IMPA2: variants seen among roughly 807,000 people sequenced by gnomAD.
The protein encoded by IMPA2 is inositol monophosphatase 2, also known as IMP 2.
Under a neutral mutation model 35.1 loss-of-function variants are expected in IMPA2, and 32 were observed. The ratio of observed to expected loss-of-function variants is 0.91; its 90% CI spans 0.69 to 1.23. The LOEUF (loss-of-function observed/expected upper bound fraction) is 1.23. Among genes scored for constraint, IMPA2 ranks in the 50% most tolerant of loss-of-function variants. The probability of loss-of-function intolerance (pLI) is 0.00; values close to 1 mark genes in which losing one functional copy is unlikely to be tolerated. For synonymous variants in IMPA2, 135 were observed against 160.6 expected, an observed-to-expected ratio of 0.84 and a Z score of 1.20; for missense variants, 334 against 387.6, an observed-to-expected ratio of 0.86 and a Z score of 1.16.
At chr18:11,997,631 C>T (rs370036262) in intron 1 of IMPA2, among the ~76,000 whole-genome samples, 1 of 152,156 alleles carries the variant, frequency 6.6e-6, no homozygotes, top group Non-Finnish European at 1.5e-5. Context: ...CCTGCCTGTT[C>T]TGTAGAATTC....
At chr18:11,987,824 A>G (rs1236367912) in intron 1 of IMPA2, among the ~76,000 whole-genome samples, 1 of 152,164 alleles carries the variant, frequency 6.6e-6, no homozygotes, top group Non-Finnish European at 1.5e-5. Flanking sequence ...GGATGTACCA[A>G]GTTACACTCC....
rs370703413 is a variant in IMPA2 at position 12,002,918 on chromosome 18, C to A, written c.230+3731C>A. Among the ~76,000 whole-genome samples the A allele has an allele frequency of 8.5e-4, 129 of 151,494 alleles. 1 individual carries two copies. Among genetic ancestry groups the A allele is most frequent in the Non-Finnish European group, 1.5e-3 (100 of 67,900 alleles). On this transcript the variant is annotated intron_variant, in intron 2 of 7. Transcript: ENST00000269159. Reference sequence around the variant, plus strand: ...AAAACAAAAAAATAAATAGGCTGGGCGCGGTGGTTTACACCTGTAATCCCT... The same window carrying A: ...AAAACAAAAAAATAAATAGGCTGGGAGCGGTGGTTTACACCTGTAATCCCT...
chr18:12,018,490 C>G (rs1395954509), intron 5 of IMPA2, among the ~76,000 whole-genome samples: 2 of 152,190 alleles, frequency 1.3e-5, no homozygotes, highest in African/African-American at 4.8e-5. Context: ...CTTCTCCAGT[C>G]ATTCTGGTTG....
rs539406899 is a variant in IMPA2, at chr18:11,991,801, T to G, written c.97-7253T>G. 6.6e-6 allele frequency among the ~76,000 whole-genome samples: 1 copy of G among 152,232 alleles called. No individual in the cohort carries two copies. Among genetic ancestry groups the G allele is most frequent in the African/African-American group, 2.4e-5 (1 of 41,548 alleles). On this transcript the variant is annotated intron_variant, in intron 1 of 7. Transcript: ENST00000269159. The surrounding 1 kb of genome is among the most constrained non-coding windows in gnomAD (Gnocchi z 4.1). The stretch of plus-strand genomic sequence containing the variant: ...GCCCACAGGAAGGAGAGGGATCTAC[T>G]TTCCTGATTAAGATGCTGATGCCCT...
rs951063526 is a variant in IMPA2 at position 12,010,971 on chromosome 18, C to T, written c.335+984C>T. Among the ~76,000 whole-genome samples, 3 of 152,184 alleles carry T rather than the reference C, an allele frequency of 2.0e-5. No homozygotes were observed. Among genetic ancestry groups the T allele is most frequent in the Admixed American group, 2.0e-4 (3 of 15,278 alleles). On this transcript the variant is annotated intron_variant, in intron 3 of 7. Transcript: ENST00000269159. The surrounding 1 kb of genome is among the most constrained non-coding windows in gnomAD (Gnocchi z 4.8). ...CAAATGTGTCACCAATCTCTCCTCT[C>T]ATTTCAACTAAAGCATGATCCTTCC...
At chr18:11,985,043 C>T (rs1906624376) in intron 1 of IMPA2, among the ~76,000 whole-genome samples, 2 of 147,612 alleles carry the variant, frequency 1.4e-5, no homozygotes, top group South Asian at 2.1e-4. Context: ...ACTAAGGAGG[C>T]TGAGGCAGGA....
rs71172045 is a variant in IMPA2 at position 12,022,782 on chromosome 18, C to CTT, written c.491-5250_491-5249dup. ...ATTCAGACCTCCTTTATACTCTGTT[C>CTT]TTTTTTTTTTTTGAGACAGCCAGTC... On this transcript the variant is annotated intron_variant, in intron 5 of 7. Transcript: ENST00000269159. Among the ~76,000 whole-genome samples the CTT allele has an allele frequency of 1.1e-3, 151 of 142,664 alleles. 1 individual carries two copies. The highest frequency in any genetic ancestry group is 3.5e-3 in the Middle Eastern group (1 of 284). The allele number at this position is 142,664 out of a possible 152,430, so 93.6% of individuals were successfully genotyped here. A position where few individuals can be genotyped will look rare whatever the true frequency, so the allele number is the denominator to read the frequency against.
Position 12,014,391 on chromosome 18 carries a change from C to A in IMPA2, c.490+18C>A. 2 of 1,470,496 alleles carry A rather than the reference C, an allele frequency of 1.4e-6. No homozygotes were observed. Among genetic ancestry groups the A allele is most frequent in the Non-Finnish European group, 1.9e-6 (2 of 1,074,508 alleles). The allele number at this position is 1,470,496 out of a possible 1,614,324, so 91.1% of individuals were successfully genotyped here. On this transcript the variant is annotated intron_variant, in intron 5 of 7. Coordinates refer to ENST00000269159, the MANE Select transcript of IMPA2 (RefSeq NM_014214.3). ...GGAGACAGGTGGGCTTCACAACGCT[C>A]GTCTCAGTTTACTTCTGAAATAAAA...
intron 2 of IMPA2, among the ~76,000 whole-genome samples, chr18:12,008,912 C>T (rs1907355289): frequency 6.6e-6 from 1 of 152,124 alleles, no homozygotes; most frequent in Non-Finnish European, 1.5e-5. Flanking sequence ...CAGCCCAGGG[C>T]CTGCTGCAGA....
At chr18:12,014,504 G>A (rs1459499189) in intron 5 of IMPA2, 131 bp downstream of exon 5, 11 of 572,882 alleles carry the variant, frequency 1.9e-5, no homozygotes, top group South Asian at 1.6e-4. Context: ...TAGGGACATC[G>A]TGTCCCTGAT....
chr18:11,989,830 G>A (rs1246652912), intron 1 of IMPA2, among the ~76,000 whole-genome samples: 1 of 152,118 alleles, frequency 6.6e-6, no homozygotes, highest in Non-Finnish European at 1.5e-5. Flanking sequence ...GCTGCCCAGG[G>A]GAGATTACTG....
chr18:12,007,922 C>T (rs1010654135), intron 2 of IMPA2, among the ~76,000 whole-genome samples: 38 of 152,024 alleles, frequency 2.5e-4, no homozygotes, highest in African/African-American at 7.2e-4. Flanking sequence ...GGATTATAGG[C>T]GTGCGCCACC....
chr18:12,030,338 C>T lies in IMPA2; in HGVS notation c.752-5C>T. 2 of 1,612,506 alleles carry T rather than the reference C, an allele frequency of 1.2e-6. No homozygotes were observed. The highest frequency in any genetic ancestry group is 1.7e-6 in the Non-Finnish European group (2 of 1,178,474). ...GGATGCCTGGCTCTCTCTGTCTGTC[C>T]CCAGGTGGACCCCTCGACCTCATGG... is the stretch of plus-strand genomic sequence containing the variant. On this transcript the variant is annotated splice_polypyrimidine_tract_variant and splice_region_variant and intron_variant, in intron 7 of 7. Coordinates refer to ENST00000269159, the MANE Select transcript of IMPA2 (RefSeq NM_014214.3).
intron 4 of IMPA2, among the ~76,000 whole-genome samples, chr18:12,012,841 G>A (rs1407731586): frequency 6.6e-6 from 1 of 152,208 alleles, no homozygotes; most frequent in Non-Finnish European, 1.5e-5. Flanking sequence ...AAGCAGCCCT[G>A]CTTCAGAGCA....
chr18:12,028,708 G>A (rs1907952529), intron 6 of IMPA2, 134 bp from the exon 7 acceptor site: 1 of 1,048,768 alleles, frequency 9.5e-7, no homozygotes, highest in Admixed American at 2.2e-5. Context: ...AGCCTCCAGA[G>A]CTTTGGCAGA....
chr18:12,000,917 A>C (rs1443796013), intron 2 of IMPA2, among the ~76,000 whole-genome samples: 4 of 143,108 alleles, frequency 2.8e-5, no homozygotes, highest in Non-Finnish European at 6.1e-5. Flanking sequence ...GCCCGGCCCC[A>C]GTGTTTGTGA....
In IMPA2 at chr18:12,012,550, C is replaced by T. The variant is rs561534974; in HGVS notation, c.381+335C>T. ...AGCTGACCCCTAGAGCGTGTGATCT[C>T]ACAAACTAAAAGGAGCACTTAGTTT... On this transcript the variant is annotated intron_variant, in intron 4 of 7. Transcript: ENST00000269159. Among the ~76,000 whole-genome samples, 6 of 152,300 alleles carry T rather than the reference C, an allele frequency of 3.9e-5. No individual in the cohort carries two copies. The South Asian group carries it at 1.2e-3, about 32-fold the overall frequency.
chr18:12,007,847 G>A (rs1907321824), intron 2 of IMPA2, among the ~76,000 whole-genome samples: 1 of 150,778 alleles, frequency 6.6e-6, no homozygotes, highest in Non-Finnish European at 1.5e-5. Flanking sequence ...GCATGATCTC[G>A]GCTCACTGCA....
intron 5 of IMPA2, among the ~76,000 whole-genome samples, chr18:12,025,780 A>G (rs1291674409): frequency 6.6e-6 from 1 of 152,084 alleles, no homozygotes; most frequent in Non-Finnish European, 1.5e-5. Context: ...GGGTTTCACC[A>G]TGTTGGCCAG....
Sources: allele counts gnomAD v4.1 joint callset (sites outside exome capture counted in the v4.1 genomes callset), GRCh38; gene constraint gnomAD v4.1.1; non-coding constraint Gnocchi (gnomAD v3.1); transcripts MANE v1.5; gene names NCBI Gene and HGNC (gene_info 2026-07-23, HGNC 2026-07-21).